The following MTHFD2L variants were observed in gnomAD, a reference collection of about 807,000 sequenced individuals.
The protein encoded by MTHFD2L is bifunctional methylenetetrahydrofolate dehydrogenase/cyclohydrolase 2, mitochondrial.
A neutral mutation model predicts 34.9 loss-of-function variants in MTHFD2L; 29 were observed. That is an observed-to-expected ratio of 0.83 (90% CI 0.62 to 1.13). The LOEUF (loss-of-function observed/expected upper bound fraction) is 1.13, where lower values mean the gene tolerates loss of function less well. Ranked by LOEUF, MTHFD2L falls within the 50% of genes most tolerant of loss-of-function variation. MTHFD2L has a pLI of 0.00. For synonymous variants in MTHFD2L, 167 were observed against 155.7 expected (o/e 1.07, Z -0.54); for missense variants, 481 against 446.5 (o/e 1.08, Z -0.70).
chr4:74,211,364 A>G (rs889634718), intron 5 of MTHFD2L, among the ~76,000 whole-genome samples: 3 of 152,176 alleles, frequency 2.0e-5, no homozygotes, highest in Admixed American at 6.5e-5. Flanking sequence ...TTCCATCAAT[A>G]TCTAGTTTAT....
intron 5 of MTHFD2L, among the ~76,000 whole-genome samples, chr4:74,204,021 A>G (rs1184960922): frequency 6.6e-6 from 1 of 152,100 alleles, no homozygotes; most frequent in Non-Finnish European, 1.5e-5. Flanking sequence ...TAATCCTAGC[A>G]TATATTAATG....
chr4:74,277,591 G>A (rs1746846103), intron 6 of MTHFD2L, among the ~76,000 whole-genome samples: 1 of 151,842 alleles, frequency 6.6e-6, no homozygotes, highest in African/African-American at 2.4e-5. Flanking sequence ...TTGCTAATAA[G>A]GAATAAGGAC....
intron 3 of MTHFD2L, among the ~76,000 whole-genome samples, chr4:74,189,485 CTTTTTT>C (rs55665552): frequency 4.5e-4 from 54 of 119,792 alleles, no homozygotes; most frequent in Admixed American, 8.2e-4. Context: ...GTTTTTCTTC[CTTTTTT>C]TTTTTTTTTT....
chr4:74,230,530 C>T (rs1739861076), intron 6 of MTHFD2L, among the ~76,000 whole-genome samples: 1 of 147,996 alleles, frequency 6.8e-6, no homozygotes. Flanking sequence ...GCGGAGGTTG[C>T]AGTGAGCCGA....
intron 6 of MTHFD2L, among the ~76,000 whole-genome samples, chr4:74,277,962 A>G (rs1340130990): frequency 6.6e-6 from 1 of 152,078 alleles, no homozygotes; most frequent in African/African-American, 2.4e-5. Context: ...TAGGTCTGCA[A>G]GAAGATAGGG....
At chr4:74,267,461 C>G (rs940085242) in intron 6 of MTHFD2L, among the ~76,000 whole-genome samples, 4 of 150,568 alleles carry the variant, frequency 2.7e-5, no homozygotes, top group Non-Finnish European at 5.9e-5. Flanking sequence ...AGGCTGGTGG[C>G]GCCATCGTGG....
In MTHFD2L at chr4:74,193,879, A is replaced by G. The variant is rs115737504; in HGVS notation, c.452-5915A>G. Among the ~76,000 whole-genome samples, 379 of 152,290 alleles carry G rather than the reference A, an allele frequency of 2.5e-3. 1 individual carries two copies. Among genetic ancestry groups the G allele is most frequent in the African/African-American group, 8.2e-3 (341 of 41,568 alleles). Reference sequence around the variant, plus strand: ...GTGATCAGAGAATTTTACTTATTCTATTCTGATCTCTATGCCTCTTTATTT... The same window carrying G: ...GTGATCAGAGAATTTTACTTATTCTGTTCTGATCTCTATGCCTCTTTATTT... On this transcript the variant is annotated intron_variant, in intron 3 of 7. Transcript: ENST00000325278.
At chr4:74,166,931 C>G (rs899168768) in intron 1 of MTHFD2L, among the ~76,000 whole-genome samples, 2 of 152,162 alleles carry the variant, frequency 1.3e-5, no homozygotes, top group African/African-American at 4.8e-5. Flanking sequence ...CAGGGCCATT[C>G]CAGAGGACCC....
chr4:74,166,013 A>T (rs1726617854), intron 1 of MTHFD2L, among the ~76,000 whole-genome samples: 1 of 152,246 alleles, frequency 6.6e-6, no homozygotes, highest in Non-Finnish European at 1.5e-5. Flanking sequence ...CCAATGTTTT[A>T]CAAAATGGTA....
At position 74,193,106 on chromosome 4, in the gene MTHFD2L, T is replaced by G. The variant is rs1021200010; in HGVS notation, c.452-6688T>G. On this transcript the variant is annotated intron_variant, in intron 3 of 7. Transcript: ENST00000325278. ...TTTATGTTTAGATTTCTAATTGATT[T>G]CTAGTTAATTTTTCTGTGTAGTATG... Among the ~76,000 whole-genome samples the G allele has an allele frequency of 1.2e-4, 19 of 152,300 alleles. No individual in the cohort carries two copies. In the South Asian group the frequency reaches 2.1e-3, roughly 17 times the overall value.
At chr4:74,235,009 C>G (rs998214714) in intron 6 of MTHFD2L, among the ~76,000 whole-genome samples, 1 of 151,922 alleles carries the variant, frequency 6.6e-6, no homozygotes, top group African/African-American at 2.4e-5. Context: ...CAGCTTAGAG[C>G]TATAAAATGC....
At chr4:74,213,708 ATCTTTGTGGTGT>A (rs1165836095) in intron 5 of MTHFD2L, among the ~76,000 whole-genome samples, 4 of 152,082 alleles carry the variant, frequency 2.6e-5, no homozygotes, top group African/African-American at 9.7e-5. Flanking sequence ...CTCATGGAGT[ATCTTTGTGGTGT>A]TCTCTGTGTT....
chr4:74,187,871 A>G (rs1578399688), intron 3 of MTHFD2L, among the ~76,000 whole-genome samples: 1 of 150,974 alleles, frequency 6.6e-6, no homozygotes, highest in Admixed American at 6.6e-5. Context: ...TATTTCCCCA[A>G]AAGAAAATGA....
chr4:74,177,109 T>A (rs1729197308), intron 3 of MTHFD2L, among the ~76,000 whole-genome samples: 1 of 151,956 alleles, frequency 6.6e-6, no homozygotes, highest in Non-Finnish European at 1.5e-5. Flanking sequence ...AGATAATGCT[T>A]ACATTAATGA....
chr4:74,150,442 C>T lies in MTHFD2L; in HGVS notation c.-296-9613C>T, dbSNP rs1254686007. Among the ~76,000 whole-genome samples, 11 of 152,248 alleles carry T rather than the reference C, an allele frequency of 7.2e-5. No individual in the cohort carries two copies. The South Asian group carries it at 1.2e-3, about 17-fold the overall frequency. On this transcript the variant is annotated intron_variant, in intron 1 of 7. Coordinates refer to the MTHFD2L transcript ENST00000433372. The stretch of plus-strand genomic sequence containing the variant: ...CTAATTTTGTATTTTTTAGTAGAGA[C>T]GGTGTTTCTCTATGTTGGTCAGGCT...
upstream of MTHFD2L, chr4:74,157,168 G>C (rs1372206581): frequency 1.3e-5 from 2 of 154,748 alleles, no homozygotes; most frequent in African/African-American, 4.8e-5. Flanking sequence ...AATGGATTTA[G>C]ATCAGCCAGG....
intron 7 of MTHFD2L, among the ~76,000 whole-genome samples, chr4:74,293,065 C>T (rs1376954589): frequency 6.6e-6 from 1 of 151,750 alleles, no homozygotes; most frequent in African/African-American, 2.4e-5. Context: ...AATTATTATA[C>T]TTTAAGCTCT....
At chr4:74,299,075 A>G (rs1465483480) in intron 7 of MTHFD2L, among the ~76,000 whole-genome samples, 5 of 151,874 alleles carry the variant, frequency 3.3e-5, no homozygotes, top group Non-Finnish European at 7.4e-5. Flanking sequence ...TATTTTTTTC[A>G]TAGACAAATA....
intron 6 of MTHFD2L, chr4:74,267,741 T>C (rs1745493156): frequency 1.0e-6 from 1 of 985,324 alleles, no homozygotes; most frequent in Non-Finnish European, 1.2e-6. Context: ...GTTTGATTGA[T>C]GGGAGGAAGA....
Sources: allele counts gnomAD v4.1 joint callset (sites outside exome capture counted in the v4.1 genomes callset), GRCh38; gene constraint gnomAD v4.1.1; transcripts MANE v1.5; gene names NCBI Gene and HGNC (gene_info 2026-07-23, HGNC 2026-07-21).